The following CERT1 variants were observed in gnomAD, a reference collection of about 807,000 sequenced individuals.
CERT1 encodes ceramide transfer protein.
In CERT1, 31 loss-of-function variants were observed where a neutral mutation model predicts 87.9. That is an observed-to-expected ratio of 0.35 (90% CI 0.27 to 0.48). The LOEUF (loss-of-function observed/expected upper bound fraction) is 0.48. Ranked by LOEUF, CERT1 falls within the 20% of genes least tolerant of loss-of-function variation. The pLI, the probability that CERT1 is intolerant of heterozygous loss-of-function variation, is 0.99. For missense variants in CERT1, 487 were observed against 758.0 expected, an observed-to-expected ratio of 0.64 and a Z score of 4.20; for synonymous variants, 289 against 250.9, an observed-to-expected ratio of 1.15 and a Z score of -1.44.
At chr5:75,411,390 T>A (rs1762930811) in intron 7 of CERT1, among the ~76,000 whole-genome samples, 1 of 152,236 alleles carries the variant, frequency 6.6e-6, no homozygotes. Context: ...CTCGGCTCAC[T>A]GCAACCTCCG....
At chr5:75,477,574 C>T (rs540977315) in intron 2 of CERT1, among the ~76,000 whole-genome samples, 10 of 147,370 alleles carry the variant, frequency 6.8e-5, no homozygotes, top group Admixed American at 1.4e-4. Context: ...CCTCATGTCC[C>T]GACCATAATG....
At chr5:75,440,916 T>C (rs1257159787) in intron 3 of CERT1, among the ~76,000 whole-genome samples, 2 of 152,172 alleles carry the variant, frequency 1.3e-5, no homozygotes, top group African/African-American at 2.4e-5. Context: ...TATACCTGTA[T>C]CTATGGCTCC....
At chr5:75,493,100 C>G (rs955430314) in intron 2 of CERT1, among the ~76,000 whole-genome samples, 11 of 152,176 alleles carry the variant, frequency 7.2e-5, no homozygotes, top group African/African-American at 2.7e-4. Context: ...TGGGGCATAT[C>G]TTTCAGCAGA....
At chr5:75,486,190 T>G (rs1281491151) in intron 2 of CERT1, among the ~76,000 whole-genome samples, 1 of 152,174 alleles carries the variant, frequency 6.6e-6, no homozygotes, top group Non-Finnish European at 1.5e-5. Flanking sequence ...GATGCAAGGA[T>G]GGTTCAACAT....
intron 3 of CERT1, among the ~76,000 whole-genome samples, chr5:75,453,516 G>A (rs975640768): frequency 6.6e-6 from 1 of 152,044 alleles, no homozygotes; most frequent in Admixed American, 6.6e-5. Context: ...TTGCTTCCTG[G>A]CCAAAAGCCC....
At chr5:75,493,847 A>G (rs1766927580) in intron 2 of CERT1, among the ~76,000 whole-genome samples, 1 of 152,072 alleles carries the variant, frequency 6.6e-6, no homozygotes, top group Non-Finnish European at 1.5e-5. Flanking sequence ...TACTACCTTT[A>G]AAAAAACAAA....
chr5:75,411,613 C>A (rs1444416200), intron 7 of CERT1, among the ~76,000 whole-genome samples: 1 of 152,050 alleles, frequency 6.6e-6, no homozygotes. Flanking sequence ...CACCCGGCCA[C>A]AACCTACGAT....
rs1177247606 is a variant in CERT1 at position 75,465,047 on chromosome 5, G to T, written c.232-5866C>A. On this transcript the variant is annotated intron_variant, in intron 2 of 16. Transcript: ENST00000643780. ...TCTCTGCCATGACGGACATGGTTCA[G>T]ACTGCTCTCAGTCAGGTGCACACAT... Among the ~76,000 whole-genome samples, 4 of 152,184 alleles carry T rather than the reference G, an allele frequency of 2.6e-5. No homozygotes were observed. The East Asian group carries it at 7.7e-4, about 29-fold the overall frequency.
chr5:75,481,500 TTAAAA>T (rs748201106), intron 2 of CERT1, among the ~76,000 whole-genome samples: 1 of 152,118 alleles, frequency 6.6e-6, no homozygotes, highest in Non-Finnish European at 1.5e-5. Context: ...ATAAAAGATG[TTAAAA>T]TAACAAAAGC....
chr5:75,389,436 A>T (rs1376160945), intron 12 of CERT1, among the ~76,000 whole-genome samples, 156 bp downstream of exon 12: 1 of 152,242 alleles, frequency 6.6e-6, no homozygotes, highest in Non-Finnish European at 1.5e-5. Context: ...GCAAAAAGAC[A>T]TTTTATTGCT....
intron 11 of CERT1, among the ~76,000 whole-genome samples, chr5:75,390,134 T>C (rs185643524): frequency 1.3e-5 from 2 of 151,746 alleles, no homozygotes; most frequent in Admixed American, 1.3e-4. Context: ...AACAAAGACA[T>C]AGAGAGAGAG....
At chr5:75,467,968 T>A (rs952941174) in intron 2 of CERT1, among the ~76,000 whole-genome samples, 4 of 152,270 alleles carry the variant, frequency 2.6e-5, no homozygotes, top group Non-Finnish European at 5.9e-5. Context: ...TACAAGTTTT[T>A]GTAAGTGAAA....
intron 5 of CERT1, among the ~76,000 whole-genome samples, chr5:75,421,897 C>CA (rs1763394199): frequency 6.6e-6 from 1 of 152,180 alleles, no homozygotes; most frequent in African/African-American, 2.4e-5. Context: ...GACCTATTCT[C>CA]ACAATTTAAA....
Position 75,511,377 on chromosome 5 carries a change from GC to G in CERT1, c.-171del. On this transcript the variant is annotated 5_prime_UTR_variant, in exon 1 of 17. Coordinates refer to ENST00000643780, the MANE Select transcript of CERT1 (RefSeq NM_001379029.1). The stretch of plus-strand genomic sequence containing the variant: ...AGTCCGCCCGCCGCGCCGCCGCCGC[GC>G]CTGACACCGAGCGGAGCGAGGAAGG... 1 of 1,546,462 alleles carries G rather than the reference GC, an allele frequency of 6.5e-7. No homozygotes were observed. The highest frequency in any genetic ancestry group is 8.7e-7 in the Non-Finnish European group (1 of 1,145,842).
At chr5:75,478,939 A>G (rs1389396459) in intron 2 of CERT1, among the ~76,000 whole-genome samples, 1 of 140,410 alleles carries the variant, frequency 7.1e-6, no homozygotes, top group South Asian at 2.5e-4. Flanking sequence ...AAAAAAAAAA[A>G]GCCACACGCG....
chr5:75,451,775 T>C (rs1764778939), intron 3 of CERT1, among the ~76,000 whole-genome samples: 1 of 152,118 alleles, frequency 6.6e-6, no homozygotes, highest in Non-Finnish European at 1.5e-5. Context: ...CCTAAGATTA[T>C]GTCAAATTTA....
intron 8 of CERT1, among the ~76,000 whole-genome samples, chr5:75,403,889 C>T (rs1222739389): frequency 6.6e-6 from 1 of 152,118 alleles, no homozygotes; most frequent in African/African-American, 2.4e-5. Flanking sequence ...ACCTCAGCTG[C>T]ATCAGAAGAT....
intron 8 of CERT1, among the ~76,000 whole-genome samples, chr5:75,405,146 A>T (rs1025914373): frequency 1.3e-5 from 2 of 151,996 alleles, no homozygotes; most frequent in Non-Finnish European, 2.9e-5. Context: ...AAGGGACTTT[A>T]AAAAAAACCC....
chr5:75,383,989 G>C (rs1212078369), intron 14 of CERT1, among the ~76,000 whole-genome samples: 1 of 152,094 alleles, frequency 6.6e-6, no homozygotes, highest in African/African-American at 2.4e-5. Flanking sequence ...GTATGCTCTG[G>C]TGTATGACTA....
Sources: allele counts gnomAD v4.1 joint callset (sites outside exome capture counted in the v4.1 genomes callset), GRCh38; gene constraint gnomAD v4.1.1; transcripts MANE v1.5; gene names NCBI Gene and HGNC (gene_info 2026-07-23, HGNC 2026-07-21).